The following LRMDA variants were observed in gnomAD, a reference collection of about 807,000 sequenced individuals.
LRMDA encodes leucine rich melanocyte differentiation associated, also known as leucine-rich melanocyte differentiation-associated protein.
Under a neutral mutation model 29.8 loss-of-function variants are expected in LRMDA, and 18 were observed. The observed-to-expected ratio is 0.60, with a 90% confidence interval of 0.42 to 0.90. The LOEUF (loss-of-function observed/expected upper bound fraction) is 0.90. Among genes scored for constraint, LRMDA ranks in the 40% least tolerant of loss-of-function variants. The pLI, the probability that LRMDA is intolerant of heterozygous loss-of-function variation, is 0.00. For missense variants in LRMDA, 273 were observed against 273.9 expected, an observed-to-expected ratio of 1.00 and a Z score of 0.02; for synonymous variants, 125 against 109.4, an observed-to-expected ratio of 1.14 and a Z score of -0.89.
At chr10:76,259,626 CT>C (rs951329867) in intron 5 of LRMDA, among the ~76,000 whole-genome samples, 55 of 152,092 alleles carry the variant, frequency 3.6e-4, no homozygotes, top group African/African-American at 1.3e-3. Flanking sequence ...TGTTGATTTT[CT>C]TTCTAGATGA....
At chr10:75,924,102 C>T (rs1846075829) in intron 2 of LRMDA, among the ~76,000 whole-genome samples, 1 of 152,182 alleles carries the variant, frequency 6.6e-6, no homozygotes, top group African/African-American at 2.4e-5. Context: ...CAAAATTACT[C>T]CATCTACAAA....
chr10:75,903,715 C>T (rs1017816559), intron 2 of LRMDA, among the ~76,000 whole-genome samples: 68 of 152,298 alleles, frequency 4.5e-4, no homozygotes, highest in Non-Finnish European at 3.4e-4. Context: ...GCAGCCACTC[C>T]GTTGCATTGC....
intron 2 of LRMDA, among the ~76,000 whole-genome samples, chr10:75,575,621 C>T (rs1215199574): frequency 1.3e-5 from 2 of 152,154 alleles, no homozygotes; most frequent in South Asian, 2.1e-4. Context: ...TAGCTCCCAG[C>T]GAGATTGATG....
chr10:75,575,991 G>A (rs1840501302), intron 2 of LRMDA, among the ~76,000 whole-genome samples: 1 of 149,936 alleles, frequency 6.7e-6, no homozygotes, highest in African/African-American at 2.5e-5. Context: ...TCACTCCTCA[G>A]TGGCGCCTGG....
intron 5 of LRMDA, among the ~76,000 whole-genome samples, chr10:76,225,174 G>A (rs1851928330): frequency 6.6e-6 from 1 of 152,072 alleles, no homozygotes; most frequent in Admixed American, 6.6e-5. Flanking sequence ...ACTTTGGGAG[G>A]CTGAGCTGGG....
At chr10:75,574,392 AG>A (rs1157002510) in intron 2 of LRMDA, among the ~76,000 whole-genome samples, 7 of 152,102 alleles carry the variant, frequency 4.6e-5, no homozygotes, top group Admixed American at 3.9e-4. Context: ...GTGTTGCTAG[AG>A]CTTAATTGAA....
At chr10:76,422,543 C>T (rs1842081605) in intron 6 of LRMDA, among the ~76,000 whole-genome samples, 1 of 152,156 alleles carries the variant, frequency 6.6e-6, no homozygotes, top group African/African-American at 2.4e-5. Context: ...TCTGTCTAAT[C>T]ATAAGACATA....
intron 6 of LRMDA, among the ~76,000 whole-genome samples, chr10:76,426,480 T>C (rs1350896033): frequency 6.6e-6 from 1 of 152,232 alleles, no homozygotes; most frequent in East Asian, 1.9e-4. Flanking sequence ...TTGTTGGAGT[T>C]CATTGTAGAT....
At chr10:75,577,666 C>T (rs918009228) in intron 2 of LRMDA, among the ~76,000 whole-genome samples, 1 of 152,152 alleles carries the variant, frequency 6.6e-6, no homozygotes, top group African/African-American at 2.4e-5. Flanking sequence ...CAAAGGGAAG[C>T]CTATCACACT....
At chr10:76,152,902 G>A (rs576421263) in intron 5 of LRMDA, among the ~76,000 whole-genome samples, 35 of 151,762 alleles carry the variant, frequency 2.3e-4, no homozygotes, top group Middle Eastern at 3.4e-3. Context: ...GTGCAGTGGC[G>A]TGATCTCGGC....
chr10:76,544,871 A>G (rs1267106165), intron 6 of LRMDA, among the ~76,000 whole-genome samples: 1 of 152,200 alleles, frequency 6.6e-6, no homozygotes, highest in African/African-American at 2.4e-5. Context: ...TGCTTTCTGC[A>G]ACAACAGACT....
At chr10:76,387,157 A>G (rs1841669282) in intron 6 of LRMDA, among the ~76,000 whole-genome samples, 4 of 152,244 alleles carry the variant, frequency 2.6e-5, no homozygotes, top group African/African-American at 7.2e-5. Context: ...AAAATATGGT[A>G]GCTACCCTTT....
At chr10:75,491,381 T>C (rs1382546713) in intron 2 of LRMDA, among the ~76,000 whole-genome samples, 2 of 152,228 alleles carry the variant, frequency 1.3e-5, no homozygotes, top group East Asian at 3.8e-4. Flanking sequence ...TGATGTCGTA[T>C]AGAAAATCAA....
Position 76,354,696 on chromosome 10 carries a change from A to G in LRMDA, c.601+30211A>G, listed in dbSNP as rs139082324. Among the ~76,000 whole-genome samples the G allele has an allele frequency of 5.9e-5, 9 of 152,332 alleles. 1 individual carries two copies. Among genetic ancestry groups the G allele is most frequent in the African/African-American group, 2.2e-4 (9 of 41,582 alleles). On this transcript the variant is annotated intron_variant, in intron 6 of 6. Coordinates refer to ENST00000611255, the MANE Select transcript of LRMDA (RefSeq NM_001305581.2). ...GTCTATACTTTTAAAAAATTGATATATAATCATTGTACATATCTATGCGGT... is the reference window on the plus strand; with the variant it reads ...GTCTATACTTTTAAAAAATTGATATGTAATCATTGTACATATCTATGCGGT...
At chr10:75,657,951 G>A (rs1053297750) in intron 2 of LRMDA, among the ~76,000 whole-genome samples, 12 of 152,074 alleles carry the variant, frequency 7.9e-5, no homozygotes, top group African/African-American at 2.7e-4. Context: ...TCTAAACAGT[G>A]CATCCCGAGA....
chr10:75,575,849 G>A (rs976893408), intron 2 of LRMDA, among the ~76,000 whole-genome samples: 7 of 151,506 alleles, frequency 4.6e-5, no homozygotes, highest in African/African-American at 9.7e-5. Flanking sequence ...AGCTTTTCCC[G>A]CAGTTTTCAC....
At chr10:75,904,793 G>A (rs766464935) in intron 2 of LRMDA, among the ~76,000 whole-genome samples, 23 of 152,156 alleles carry the variant, frequency 1.5e-4, no homozygotes, top group Non-Finnish European at 2.6e-4. Flanking sequence ...TTGATGAGCC[G>A]AGTTTTCTGC....
intron 6 of LRMDA, among the ~76,000 whole-genome samples, chr10:76,419,955 G>A (rs1842056003): frequency 6.6e-6 from 1 of 151,998 alleles, no homozygotes; most frequent in South Asian, 2.1e-4. Context: ...ACACAAAATT[G>A]AACTGTTAAT....
intron 5 of LRMDA, among the ~76,000 whole-genome samples, chr10:76,228,305 C>T (rs1357806993): frequency 6.6e-6 from 1 of 152,130 alleles, no homozygotes; most frequent in East Asian, 1.9e-4. Flanking sequence ...AGCTACCACG[C>T]CCGGCAGGAA....
Sources: gnomAD v4.1 joint callset for allele counts (sites outside exome capture counted in the v4.1 genomes callset) on GRCh38, gnomAD v4.1.1 for gene constraint, MANE v1.5 for transcripts, NCBI Gene and HGNC (gene_info 2026-07-23, HGNC 2026-07-21) for gene names.